CSMD1: variants seen among roughly 807,000 people sequenced by gnomAD.
The protein encoded by CSMD1 is CUB and Sushi multiple domains 1.
CSMD1 carries 213 observed loss-of-function variants against 417.5 expected under a neutral mutation model. That is an observed-to-expected ratio of 0.51 (90% CI 0.46 to 0.57). The LOEUF (loss-of-function observed/expected upper bound fraction) is 0.57, where lower values mean the gene tolerates loss of function less well. CSMD1 is among the 20% of genes least tolerant of loss of function. CSMD1 has a pLI of 0.00. For missense variants in CSMD1, 6,923 were observed against 4,529.7 expected (o/e 1.53, Z -15.17); for synonymous variants, 2,862 against 1,736.8 (o/e 1.65, Z -16.11).
intron 1 of CSMD1, among the ~76,000 whole-genome samples, chr8:4,720,234 T>C (rs1266695713): frequency 6.6e-6 from 1 of 151,720 alleles, no homozygotes; most frequent in Non-Finnish European, 1.5e-5. Flanking sequence ...TAATAATATA[T>C]AAAGGGAATG....
At chr8:2,938,785 A>G (rs1801665997) in intron 69 of CSMD1, 41 bp from the exon 70 acceptor site, 2 of 1,546,482 alleles carry the variant, frequency 1.3e-6, no homozygotes, top group Non-Finnish European at 1.8e-6. Flanking sequence ...TCCTGGTTTC[A>G]TTTGCAGATT....
At chr8:3,966,587 A>G (rs1432212477) in intron 5 of CSMD1, among the ~76,000 whole-genome samples, 1 of 151,940 alleles carries the variant, frequency 6.6e-6, no homozygotes, top group African/African-American at 2.4e-5. Flanking sequence ...ATTGGTTTGC[A>G]GTTTTTGGCA....
At chr8:3,644,285 A>G (rs1374587476) in intron 7 of CSMD1, among the ~76,000 whole-genome samples, 1 of 152,210 alleles carries the variant, frequency 6.6e-6, no homozygotes, top group Non-Finnish European at 1.5e-5. Context: ...AATTTAAACA[A>G]CAACACTGCC....
At chr8:4,235,050 G>A (rs554294688) in intron 3 of CSMD1, among the ~76,000 whole-genome samples, 5 of 152,214 alleles carry the variant, frequency 3.3e-5, no homozygotes, top group African/African-American at 1.2e-4. Context: ...TCGAATTTAA[G>A]GGGACGCATT....
intron 62 of CSMD1, 119 bp from the exon 63 acceptor site, chr8:2,957,926 C>A (rs1191869741): frequency 3.0e-6 from 2 of 671,554 alleles, no homozygotes. Context: ...AGGTTAATGT[C>A]AAGCCACTGT....
At chr8:3,965,975 T>C (rs761185710) in intron 5 of CSMD1, among the ~76,000 whole-genome samples, 4 of 152,150 alleles carry the variant, frequency 2.6e-5, no homozygotes, top group Non-Finnish European at 4.4e-5. Flanking sequence ...AAGCATAATT[T>C]AGCGAGAATA....
intron 1 of CSMD1, among the ~76,000 whole-genome samples, chr8:4,842,792 A>T (rs1003379605): frequency 2.6e-5 from 4 of 152,234 alleles, no homozygotes; most frequent in African/African-American, 9.6e-5. Flanking sequence ...TTACACATTA[A>T]TGGTAACAAT....
At chr8:3,955,140 C>G (rs775355799) in intron 5 of CSMD1, among the ~76,000 whole-genome samples, 3 of 152,146 alleles carry the variant, frequency 2.0e-5, no homozygotes, top group Non-Finnish European at 4.4e-5. Flanking sequence ...CTACCGGTAA[C>G]GGGAAGACAG....
intron 3 of CSMD1, among the ~76,000 whole-genome samples, chr8:4,413,695 T>A (rs1302896088): frequency 6.6e-6 from 1 of 152,108 alleles, no homozygotes; most frequent in Non-Finnish European, 1.5e-5. Context: ...CAGTGAGTAT[T>A]TTCCAATGTC....
chr8:4,741,207 T>C (rs1046965031), intron 1 of CSMD1, among the ~76,000 whole-genome samples: 4 of 152,166 alleles, frequency 2.6e-5, no homozygotes, highest in Non-Finnish European at 5.9e-5. Flanking sequence ...CAGAAGACCC[T>C]AGTGCCACAC....
At chr8:3,718,056 G>C (rs1340752449) in intron 6 of CSMD1, among the ~76,000 whole-genome samples, 1 of 152,118 alleles carries the variant, frequency 6.6e-6, no homozygotes, top group Non-Finnish European at 1.5e-5. Context: ...AAAAGAAAAT[G>C]TTCAGTAATT....
At chr8:4,866,457 G>A (rs1158797291) in intron 1 of CSMD1, among the ~76,000 whole-genome samples, 1 of 151,382 alleles carries the variant, frequency 6.6e-6, no homozygotes, top group Non-Finnish European at 1.5e-5. Flanking sequence ...ATTCTCTTTT[G>A]TTTTTTTCTT....
In CSMD1 at chr8:4,552,200, T is replaced by C. The variant is rs560583199; in HGVS notation, c.302+85142A>G. 2.0e-3 allele frequency among the ~76,000 whole-genome samples: 300 copies of C among 152,182 alleles called. 1 individual carries two copies. The highest frequency in any genetic ancestry group is 3.4e-3 in the Non-Finnish European group (233 of 68,022). ...AATCTTAAGATACAAAGCATGCTATTCTATGTAGCTTGGTCTCAATGTGAG... is the reference window on the plus strand; with the variant it reads ...AATCTTAAGATACAAAGCATGCTATCCTATGTAGCTTGGTCTCAATGTGAG... On this transcript the variant is annotated intron_variant, in intron 2 of 69. Coordinates refer to ENST00000635120, the MANE Select transcript of CSMD1 (RefSeq NM_033225.6).
chr8:3,885,924 T>C (rs958030743), intron 5 of CSMD1, among the ~76,000 whole-genome samples: 3 of 152,164 alleles, frequency 2.0e-5, no homozygotes, highest in African/African-American at 7.2e-5. Context: ...TGAATAAATA[T>C]AAATTGTTAA....
chr8:4,098,633 A>C (rs572951678), intron 3 of CSMD1, among the ~76,000 whole-genome samples: 1 of 152,060 alleles, frequency 6.6e-6, no homozygotes, highest in Non-Finnish European at 1.5e-5. Context: ...GAAATACCCC[A>C]TTTCTACGTA....
chr8:4,984,397 A>G lies in CSMD1; in HGVS notation c.85+9935T>C, dbSNP rs1811060955. On this transcript the variant is annotated intron_variant, in intron 1 of 69. Transcript: ENST00000635120. ...CCCATGACAGTAGTGTACGCTTCCG[A>G]TCCGACCTTCAGCTTTAAAGAGCAA... Among the ~76,000 whole-genome samples, 3 of 152,218 alleles carry G rather than the reference A, an allele frequency of 2.0e-5. No homozygotes were observed. The South Asian group carries it at 6.2e-4, about 32-fold the overall frequency.
At chr8:4,275,287 A>C (rs916386001) in intron 3 of CSMD1, among the ~76,000 whole-genome samples, 9 of 152,226 alleles carry the variant, frequency 5.9e-5, no homozygotes, top group African/African-American at 1.7e-4. Flanking sequence ...TTTATGTTTT[A>C]TTAAGAACAG....
intron 2 of CSMD1, among the ~76,000 whole-genome samples, chr8:4,440,928 C>T (rs1211503734): frequency 6.7e-6 from 1 of 150,036 alleles, no homozygotes; most frequent in African/African-American, 2.5e-5. Context: ...ACCCGGGAGG[C>T]GGAGGTTGCA....
intron 5 of CSMD1, among the ~76,000 whole-genome samples, chr8:3,792,088 T>A (rs1799780261): frequency 6.6e-6 from 1 of 152,160 alleles, no homozygotes; most frequent in Non-Finnish European, 1.5e-5. Flanking sequence ...CCTTCAAGAA[T>A]GACTTCCTGA....
Sources: gnomAD v4.1 joint callset for allele counts (sites outside exome capture counted in the v4.1 genomes callset) on GRCh38, gnomAD v4.1.1 for gene constraint, MANE v1.5 for transcripts, NCBI Gene and HGNC (gene_info 2026-07-23, HGNC 2026-07-21) for gene names.